ZNF519: variants seen among roughly 807,000 people sequenced by gnomAD.
ZNF519 encodes zinc finger protein 519, also known as similar to Zinc finger protein 85 (Zinc finger protein HPF4) (HTF1).
ZNF519 carries 7 observed loss-of-function variants against 7.4 expected under a neutral mutation model. That is an observed-to-expected ratio of 0.94 (90% CI 0.54 to 1.77). The LOEUF is 1.77. ZNF519 is among the 40% of genes most tolerant of loss of function. ZNF519 has a pLI of 0.00. For synonymous variants in ZNF519, 179 were observed against 203.3 expected (o/e 0.88, Z 1.02); for missense variants, 586 against 623.1 (o/e 0.94, Z 0.63).
intron 2 of ZNF519, among the ~76,000 whole-genome samples, chr18:14,120,974 T>C (rs76622422): frequency 0.03 from 4,528 of 151,816 alleles, 227 homozygotes; most frequent in African/African-American, 0.1. Context: ...TGTGTGTACA[T>C]ACACACACAC....
intron 2 of ZNF519, 69 bp from the exon 3 acceptor site, chr18:14,106,478 T>G: frequency 7.2e-7 from 1 of 1,392,304 alleles, no homozygotes; most frequent in African/African-American, 1.5e-5. Flanking sequence ...ACAAATCTAA[T>G]ATGAAATTTT....
intron 1 of ZNF519, among the ~76,000 whole-genome samples, chr18:14,126,055 C>T (rs1185692383): frequency 6.6e-6 from 1 of 152,128 alleles, no homozygotes; most frequent in Non-Finnish European, 1.5e-5. Flanking sequence ...TTTTGGGTTT[C>T]AGGAAATTGT....
intron 4 of ZNF519, among the ~76,000 whole-genome samples, chr18:14,077,699 G>A (rs2046053215): frequency 6.6e-6 from 1 of 152,162 alleles, no homozygotes. Context: ...CAGGACTCAT[G>A]TAGATGGAGC....
chr18:14,109,610 G>A (rs1456095101), intron 2 of ZNF519, among the ~76,000 whole-genome samples: 1 of 151,996 alleles, frequency 6.6e-6, no homozygotes, highest in Non-Finnish European at 1.5e-5. Flanking sequence ...GCTCCTGAAA[G>A]GCCAATGGGT....
Position 14,105,920 on chromosome 18 carries a change from T to G in ZNF519, c.620A>C (p.Lys207Thr). 1 of 1,610,152 alleles carries G rather than the reference T, an allele frequency of 6.2e-7. No homozygotes were observed. The highest frequency in any genetic ancestry group is 8.5e-7 in the Non-Finnish European group (1 of 1,178,674). ...IFPENIHIQK[K>T]PYNSNECGET... ...ACCACATTCATTAGAGTTGTAAGGCTTTTTTTGAATATGGATATTTTCAGG... is the reference window on the plus strand; with the variant it reads ...ACCACATTCATTAGAGTTGTAAGGCGTTTTTTGAATATGGATATTTTCAGG... The change falls in exon 3 of 3, where the codon AAG becomes ACG. Residue 207 changes from lysine to threonine, a missense_variant. Physicochemically the swap from Lys to Thr is moderately conservative, Grantham distance 78. Coordinates refer to ENST00000590202, the MANE Select transcript of ZNF519 (RefSeq NM_145287.4).
chr18:14,130,212 T>C (rs1248491850), intron 1 of ZNF519, among the ~76,000 whole-genome samples: 4 of 148,626 alleles, frequency 2.7e-5, no homozygotes, highest in Non-Finnish European at 4.5e-5. Flanking sequence ...AAAAAAAGCC[T>C]ATTTGTTCAG....
intron 2 of ZNF519, among the ~76,000 whole-genome samples, chr18:14,109,323 C>T (rs1310161859): frequency 5.3e-5 from 8 of 152,134 alleles, no homozygotes; most frequent in South Asian, 2.1e-4. Flanking sequence ...GAAAAACCAA[C>T]GAAGAAATAT....
At chr18:14,132,021 T>A (rs1598526139) in intron 1 of ZNF519, among the ~76,000 whole-genome samples, 1 of 152,136 alleles carries the variant, frequency 6.6e-6, no homozygotes, top group Non-Finnish European at 1.5e-5. Flanking sequence ...GTCTTTCCGA[T>A]GACTTTCGCC....
chr18:14,120,202 C>G (rs972973951), intron 2 of ZNF519, among the ~76,000 whole-genome samples: 5 of 151,750 alleles, frequency 3.3e-5, no homozygotes, highest in Non-Finnish European at 7.4e-5. Context: ...AAAACAGATA[C>G]AAAAACCAAT....
chr18:14,073,935 C>T (rs2046037516), downstream of ZNF519: 1 of 152,204 alleles, frequency 6.6e-6, no homozygotes, highest in Non-Finnish European at 1.5e-5. Flanking sequence ...CGAATAGCTA[C>T]TAATTTCTTG....
chr18:14,076,261 TG>T (rs2046047371), exon 5 of ZNF519: 1 of 152,224 alleles, frequency 6.6e-6, no homozygotes, highest in Non-Finnish European at 1.5e-5. Context: ...AATATGATTG[TG>T]GTAATCTCTT....
rs978158356 is a variant in ZNF519 at position 14,103,990 on chromosome 18, C to T, written c.*927G>A. On this transcript the variant is annotated 3_prime_UTR_variant, in exon 3 of 3. Transcript: ENST00000590202. ...AGACTGCAAACATTCAAAAAGCATT[C>T]TTATTCTGATACCATGACCTATGTT... 6.6e-6 allele frequency: 1 copy of T among 152,152 alleles called. No homozygotes were observed. The highest frequency in any genetic ancestry group is 2.4e-5 in the African/African-American group (1 of 41,446). 9.4% of individuals were successfully genotyped at this position (152,152 alleles called of 1,614,324 possible).
intron 2 of ZNF519, among the ~76,000 whole-genome samples, chr18:14,119,951 A>C (rs2046262924): frequency 6.6e-6 from 1 of 151,774 alleles, no homozygotes; most frequent in African/African-American, 2.4e-5. Flanking sequence ...ATAGAAACAT[A>C]TTCCATTGGA....
chr18:14,078,258 G>C (rs1490441413), exon 4 of ZNF519: 3 of 152,154 alleles, frequency 2.0e-5, no homozygotes, highest in Non-Finnish European at 2.9e-5. Context: ...CTGCAGCCTG[G>C]GGGTTGAGGA....
At chr18:14,077,381 C>T (rs1040190054) in exon 5 of ZNF519, 4 of 152,276 alleles carry the variant, frequency 2.6e-5, no homozygotes, top group African/African-American at 9.7e-5. Flanking sequence ...CTGAACTACT[C>T]GTTTGATTTT....
intron 2 of ZNF519, among the ~76,000 whole-genome samples, chr18:14,112,764 C>G (rs2143142618): frequency 6.6e-6 from 1 of 152,088 alleles, no homozygotes; most frequent in South Asian, 2.1e-4. Flanking sequence ...AACATTGATG[C>G]AAGAAATTTA....
intron 3 of ZNF519, chr18:14,080,313 C>T (rs2046065526): frequency 2.2e-5 from 2 of 90,938 alleles, no homozygotes; most frequent in Admixed American, 1.5e-4. Context: ...GACAATTTGA[C>T]AGTTTTTTTT....
rs142038923 is a variant in ZNF519, at chr18:14,100,548, T to C, written c.*4369A>G. 3.9e-5 allele frequency: 6 copies of C among 152,352 alleles called. No homozygotes were observed. Among genetic ancestry groups the C allele is most frequent in the African/African-American group, 1.4e-4 (6 of 41,586 alleles). 9.4% of individuals were successfully genotyped at this position (152,352 alleles called of 1,614,324 possible). ...ATTTAGATGAATCTCCAAGGAATTA[T>C]GCTGAAGGAAAAGGGCCAATTACAA... On this transcript the variant is annotated 3_prime_UTR_variant, in exon 3 of 3. Transcript: ENST00000590202.
chr18:14,094,698 T>C (rs2046128161), intron 2 of ZNF519, among the ~76,000 whole-genome samples: 1 of 152,286 alleles, frequency 6.6e-6, no homozygotes, highest in South Asian at 2.1e-4. Flanking sequence ...GTGAGAATTT[T>C]TTAAAATTTA....
Sources: allele counts gnomAD v4.1 joint callset (sites outside exome capture counted in the v4.1 genomes callset), GRCh38; gene constraint gnomAD v4.1.1; transcripts MANE v1.5; gene names NCBI Gene and HGNC (gene_info 2026-07-23, HGNC 2026-07-21).